Variants in RBMS1 observed in about 807,000 individuals in gnomAD.
The protein encoded by RBMS1 is RNA-binding motif, single-stranded-interacting protein 1.
A neutral mutation model predicts 62.3 loss-of-function variants in RBMS1; 17 were observed. The ratio of observed to expected loss-of-function variants is 0.27; its 90% confidence interval spans 0.19 to 0.41. RBMS1 has a LOEUF of 0.41. Among genes scored for constraint, RBMS1 ranks in the 10% least tolerant of loss-of-function variants. RBMS1 has a pLI of 1.00. For synonymous variants in RBMS1, 172 were observed against 170.0 expected, an observed-to-expected ratio of 1.01 and a Z score of -0.09; for missense variants, 334 against 504.5, an observed-to-expected ratio of 0.66 and a Z score of 3.24.
intron 2 of RBMS1, among the ~76,000 whole-genome samples, chr2:160,327,603 C>T (rs116467988): frequency 0.013 from 1,917 of 152,210 alleles, 58 homozygotes; most frequent in African/African-American, 0.043. Flanking sequence ...TTTAAGAGCA[C>T]ATTGCACACA....
chr2:160,302,052 T>G (rs184271751), intron 5 of RBMS1, among the ~76,000 whole-genome samples: 1 of 152,308 alleles, frequency 6.6e-6, no homozygotes, highest in Admixed American at 6.5e-5. Context: ...TAGATTAGAA[T>G]TCTGATCAAA....
At chr2:160,461,294 A>C (rs1319928061) in intron 1 of RBMS1, among the ~76,000 whole-genome samples, 4 of 152,202 alleles carry the variant, frequency 2.6e-5, no homozygotes, top group Non-Finnish European at 5.9e-5. Context: ...AAAGAGAGAA[A>C]GAGAAAAGAA....
intron 1 of RBMS1, among the ~76,000 whole-genome samples, chr2:160,445,108 T>A (rs1326511584): frequency 6.6e-6 from 1 of 152,178 alleles, no homozygotes; most frequent in Non-Finnish European, 1.5e-5. Context: ...CACCTATAAT[T>A]TCTTCTCATA....
chr2:160,311,236 A>ATCTATCTATC lies in RBMS1; in HGVS notation c.402+1919_402+1920insGATAGATAGA, dbSNP rs1553505443. Among the ~76,000 whole-genome samples the ATCTATCTATC allele has an allele frequency of 3.0e-3, 183 of 60,710 alleles. 2 individuals are homozygous for ATCTATCTATC. The highest frequency in any genetic ancestry group is 0.011 in the African/African-American group (178 of 16,820). The allele number at this position is 60,710 out of a possible 152,430, so 39.8% of individuals were successfully genotyped here. ...TCTATCTATCTATCTATCTATCTATATATATATATATATATATATATAGTC... is the reference window on the plus strand; with the variant it reads ...TCTATCTATCTATCTATCTATCTATATCTATCTATCTATATATATATATATATATATAGTC... On this transcript the variant is annotated intron_variant, in intron 4 of 13. Coordinates refer to ENST00000348849, the MANE Select transcript of RBMS1 (RefSeq NM_016836.4).
intron 1 of RBMS1, among the ~76,000 whole-genome samples, chr2:160,395,654 C>T (rs1187839478): frequency 6.6e-6 from 1 of 150,974 alleles, no homozygotes; most frequent in East Asian, 1.9e-4. Context: ...AAATCAGATG[C>T]TGAAAGAAGG....
chr2:160,464,420 T>C (rs1432320053), intron 1 of RBMS1, among the ~76,000 whole-genome samples: 1 of 152,192 alleles, frequency 6.6e-6, no homozygotes, highest in African/African-American at 2.4e-5. Flanking sequence ...AAACATAAAA[T>C]ACAGTTGTAC....
chr2:160,405,346 A>C (rs944235417), intron 1 of RBMS1, among the ~76,000 whole-genome samples: 15 of 152,026 alleles, frequency 9.9e-5, no homozygotes, highest in African/African-American at 3.4e-4. Flanking sequence ...TCATATACCT[A>C]AAATCTGCCA....
rs368488754 is a variant in RBMS1, at chr2:160,344,044, G to C, written c.251+23172C>G. ...TTTTTCACTGGTGTGCAAGATTAAA[G>C]ATATGAAAAGTAATTAGGAATCTGA... is the stretch of plus-strand genomic sequence containing the variant. On this transcript the variant is annotated intron_variant, in intron 2 of 13. Coordinates refer to ENST00000348849, the MANE Select transcript of RBMS1 (RefSeq NM_016836.4). Among the ~76,000 whole-genome samples, 130 of 152,166 alleles carry C rather than the reference G, an allele frequency of 8.5e-4. 1 individual carries two copies. Among genetic ancestry groups the C allele is most frequent in the African/African-American group, 3.1e-3 (127 of 41,528 alleles).
At chr2:160,379,960 A>G (rs549052123) in intron 1 of RBMS1, among the ~76,000 whole-genome samples, 1 of 152,296 alleles carries the variant, frequency 6.6e-6, no homozygotes, top group Admixed American at 6.5e-5. Context: ...CTCAGTTCCT[A>G]CACTTGAGTT....
intron 2 of RBMS1, among the ~76,000 whole-genome samples, chr2:160,325,709 A>G (rs1690885057): frequency 6.6e-6 from 1 of 152,178 alleles, no homozygotes; most frequent in South Asian, 2.1e-4. Flanking sequence ...AATGAGGCCT[A>G]AAAATAGTAG....
intron 6 of RBMS1, among the ~76,000 whole-genome samples, chr2:160,299,710 C>T (rs1559342685): frequency 6.6e-6 from 1 of 152,100 alleles, no homozygotes; most frequent in African/African-American, 2.4e-5. Context: ...AGGAAGCTGA[C>T]GGAGCTTCTA....
chr2:160,347,952 C>T (rs1692277839), intron 2 of RBMS1, among the ~76,000 whole-genome samples: 1 of 151,942 alleles, frequency 6.6e-6, no homozygotes, highest in Admixed American at 6.6e-5. Flanking sequence ...AAATAAACAG[C>T]AACAAATTAA....
chr2:160,353,161 CTGA>C (rs1692610169), intron 2 of RBMS1, among the ~76,000 whole-genome samples: 1 of 151,954 alleles, frequency 6.6e-6, no homozygotes, highest in South Asian at 2.1e-4. Context: ...ACTGTTCTCC[CTGA>C]TAAGTTTATA....
intron 1 of RBMS1, among the ~76,000 whole-genome samples, chr2:160,377,425 T>C (rs1460669614): frequency 1.3e-5 from 2 of 152,114 alleles, no homozygotes; most frequent in African/African-American, 4.8e-5. Flanking sequence ...ACTCAGCCAT[T>C]TGGGGTGGGG....
At chr2:160,389,642 G>T (rs1439854493) in intron 1 of RBMS1, among the ~76,000 whole-genome samples, 1 of 127,262 alleles carries the variant, frequency 7.9e-6, no homozygotes, top group Admixed American at 1.0e-4. Context: ...AGGTTGCAGT[G>T]AGCCAAGTTT....
At position 160,373,549 on chromosome 2, in the gene RBMS1, C is replaced by A. The variant is rs78863789; in HGVS notation, c.76-6158G>T. Reference sequence around the variant, plus strand: ...CTCCAGCGACTCGCCAAGTTGCCCACTGAGAACTCTGGGCCAGGAAACACA... The same window carrying A: ...CTCCAGCGACTCGCCAAGTTGCCCAATGAGAACTCTGGGCCAGGAAACACA... On this transcript the variant is annotated intron_variant, in intron 1 of 13. Coordinates refer to ENST00000348849, the MANE Select transcript of RBMS1 (RefSeq NM_016836.4). 2.0e-5 allele frequency among the ~76,000 whole-genome samples: 3 copies of A among 152,322 alleles called. No individual in the cohort carries two copies. The East Asian group carries it at 5.8e-4, about 29-fold the overall frequency.
At chr2:160,288,044 T>TGA (rs1688494437) in intron 6 of RBMS1, among the ~76,000 whole-genome samples, 1 of 144,696 alleles carries the variant, frequency 6.9e-6, no homozygotes, top group African/African-American at 2.5e-5. Flanking sequence ...TCATTAGAGT[T>TGA]AAAAAAAAAA....
chr2:160,277,327 C>T lies in RBMS1; in HGVS notation c.1119G>A (p.Met373Ile). 1 of 1,613,272 alleles carries T rather than the reference C, an allele frequency of 6.2e-7. No homozygotes were observed. The highest frequency in any genetic ancestry group is 8.5e-7 in the Non-Finnish European group (1 of 1,179,288). The change falls in exon 12 of 14, where the codon ATG becomes ATA. Residue 373 changes from methionine to isoleucine, a missense_variant. Around this residue, in one of 3 missense-constraint regions of RBMS1, gnomAD observed 182 missense variants for 257.7 expected, o/e 0.71. Transcript: ENST00000348849. ...CCTCAACAGGAACCGCTGTCGTCTG[C>T]ATATGTGCATACTGTGGCAAGTAGG... ...QGAYLPQYAH[M>I]QTTAVPVEEA...
At chr2:160,351,170 C>T (rs1243808358) in intron 2 of RBMS1, among the ~76,000 whole-genome samples, 2 of 122,758 alleles carry the variant, frequency 1.6e-5, no homozygotes, top group African/African-American at 3.2e-5. Flanking sequence ...ACACCGGGGC[C>T]TGTCGTGGGG....
Sources: gnomAD v4.1 joint callset for allele counts (sites outside exome capture counted in the v4.1 genomes callset) on GRCh38, gnomAD v4.1.1 for gene constraint, gnomAD v4.1.1 regional missense constraint, MANE v1.5 for transcripts, NCBI Gene and HGNC (gene_info 2026-07-23, HGNC 2026-07-21) for gene names.